POLR1C: variants seen among roughly 807,000 people sequenced by gnomAD.
The protein encoded by POLR1C is RNA polymerase I and III subunit C, also known as DNA-directed RNA polymerases I and III subunit RPAC1.
Under a neutral mutation model 38.3 loss-of-function variants are expected in POLR1C, and 42 were observed. That is an observed-to-expected ratio of 1.10 (90% CI 0.86 to 1.42). The LOEUF is 1.42. Ranked by LOEUF, POLR1C falls within the 40% of genes most tolerant of loss-of-function variation. The probability of loss-of-function intolerance (pLI) is 0.00; values close to 1 mark genes in which losing one functional copy is unlikely to be tolerated. For synonymous variants in POLR1C, 163 were observed against 163.9 expected (o/e 0.99, Z 0.04); for missense variants, 507 against 450.5 (o/e 1.13, Z -1.14).
downstream of POLR1C, chr6:43,524,088 C>G (rs561345033): frequency 1.3e-6 from 2 of 1,528,602 alleles, no homozygotes; most frequent in Admixed American, 4.0e-5. Context: ...CAGTGGCTCG[C>G]GCCTGTAATC....
At chr6:43,558,660 G>C (rs1582235486) in intron 10 of POLR1C, 1 of 1,184,126 alleles carries the variant, frequency 8.4e-7, no homozygotes, top group African/African-American at 1.6e-5. Flanking sequence ...TAAGCTTCAG[G>C]AGTTCAAGCA....
intron 10 of POLR1C, chr6:43,556,126 C>A: frequency 1.1e-6 from 1 of 938,726 alleles, no homozygotes; most frequent in Non-Finnish European, 1.5e-6. Context: ...ACTTTATTAA[C>A]GAATCCAGAA....
chr6:43,551,158 A>C, intron 10 of POLR1C: 3 of 779,290 alleles, frequency 3.8e-6, no homozygotes, highest in Non-Finnish European at 5.7e-6. Context: ...CAGAAGGGTG[A>C]GGTGTGAGGA....
downstream of POLR1C, chr6:43,523,545 G>A: frequency 2.0e-6 from 1 of 505,952 alleles, no homozygotes; most frequent in South Asian, 1.7e-5. Context: ...CAGGTATGTG[G>A]CTGCACGGGG....
Position 43,549,965 on chromosome 6 carries a change from T to A in POLR1C, c.*5-1003T>A, listed in dbSNP as rs777129282. ...GGAGAGGAGGAAAAAAGGTCACTCA[T>A]GTTTATTTGTTTTAGAGATGAGATC... On this transcript the variant is annotated intron_variant, in intron 9 of 10. Transcript: ENST00000607635. The A allele has an allele frequency of 1.6e-5, 25 of 1,605,536 alleles. No homozygotes were observed. In the Admixed American group the frequency reaches 3.7e-4, roughly 24 times the overall value.
chr6:43,529,796 C>G (rs1165240443), downstream of POLR1C, among the ~76,000 whole-genome samples: 1 of 150,978 alleles, frequency 6.6e-6, no homozygotes, highest in African/African-American at 2.4e-5. Flanking sequence ...TGGTGCGCAT[C>G]TGTGGTCCAG....
chr6:43,550,707 C>T (rs1294752639), intron 9 of POLR1C, among the ~76,000 whole-genome samples: 1 of 152,154 alleles, frequency 6.6e-6, no homozygotes, highest in Non-Finnish European at 1.5e-5. Flanking sequence ...TAAAGATGTT[C>T]TACATATTCT....
chr6:43,531,660 T>G, downstream of POLR1C: 1 of 1,190,468 alleles, frequency 8.4e-7, no homozygotes, highest in Non-Finnish European at 1.3e-6. Flanking sequence ...AAGCTGTTGT[T>G]CAGGGGTGAA....
chr6:43,534,745 C>A (rs1794209667), intron 9 of POLR1C, among the ~76,000 whole-genome samples: 1 of 152,186 alleles, frequency 6.6e-6, no homozygotes, highest in Non-Finnish European at 1.5e-5. Context: ...CGCCTATAAT[C>A]CCAGTACTTT....
At chr6:43,523,646 C>G, downstream of POLR1C, 2 of 810,450 alleles carry the variant, frequency 2.5e-6, no homozygotes, top group Non-Finnish European at 4.4e-6. Flanking sequence ...TCTGGGACAT[C>G]TAGACAGAAT....
chr6:43,560,154 C>G, intron 10 of POLR1C: 6 of 1,608,968 alleles, frequency 3.7e-6, no homozygotes, highest in Non-Finnish European at 5.1e-6. Context: ...CTACATTCCA[C>G]ATGTTTAGAT....
At chr6:43,519,306 C>T (rs749778922) in intron 2 of POLR1C, 27 bp from the exon 3 acceptor site, 1 of 1,377,678 alleles carries the variant, frequency 7.3e-7, no homozygotes, top group Non-Finnish European at 1.0e-6. Flanking sequence ...GCAGATTTCA[C>T]TTAAATGTTT....
At chr6:43,519,592 C>A in intron 3 of POLR1C, 114 bp from the exon 4 acceptor site, 2 of 1,513,462 alleles carry the variant, frequency 1.3e-6, no homozygotes, top group South Asian at 1.1e-5. Context: ...GTAAATTTCT[C>A]ATTAAACATT....
intron 6 of POLR1C, 71 bp from the exon 7 acceptor site, chr6:43,520,554 G>A (rs920497293): frequency 1.2e-6 from 2 of 1,603,916 alleles, no homozygotes; most frequent in Admixed American, 1.7e-5. Context: ...TTTGCTGTTA[G>A]TAGCTTAGGA....
At chr6:43,560,736 C>T (rs1158226481) in intron 10 of POLR1C, among the ~76,000 whole-genome samples, 1 of 152,162 alleles carries the variant, frequency 6.6e-6, no homozygotes, top group Non-Finnish European at 1.5e-5. Context: ...AGCTGCTGAC[C>T]TAGACAAGTG....
intron 9 of POLR1C, chr6:43,539,593 ACCCCGG>A: frequency 7.2e-7 from 1 of 1,381,888 alleles, no homozygotes; most frequent in Non-Finnish European, 1.0e-6. Flanking sequence ...CACGGCTGCG[ACCCCGG>A]CCCCGGATGC....
In POLR1C at chr6:43,521,011, G is replaced by T. The variant is rs2127691627; in HGVS notation, c.885G>T (p.Lys295Asn). The T allele has an allele frequency of 6.2e-7, 1 of 1,614,206 alleles. No homozygotes were observed. Among genetic ancestry groups the T allele is most frequent in the Non-Finnish European group, 8.5e-7 (1 of 1,180,036 alleles). The change falls in exon 8 of 9, where the codon AAG (lysine) becomes AAT (asparagine). Residue 295 changes from lysine (K) to asparagine (N), a missense_variant. Physicochemically the swap from Lys to Asn is moderately conservative, Grantham distance 94. Coordinates refer to ENST00000642195, the MANE Select transcript of POLR1C (RefSeq NM_203290.4). Reference protein sequence around the residue: ...REIFRNEKLKKVVRLARVRDH... With the variant: ...REIFRNEKLKNVVRLARVRDH... ...TCTTCCGGAATGAGAAGCTAAAGAA[G>T]GTTGTGAGGCTTGCCCGGGTTCGAG...
downstream of POLR1C, among the ~76,000 whole-genome samples, chr6:43,534,252 A>T (rs1794176493): frequency 6.6e-6 from 1 of 152,226 alleles, no homozygotes; most frequent in South Asian, 2.1e-4. Context: ...CCCAAGACAC[A>T]GGACAGTATC....
intron 9 of POLR1C, chr6:43,539,804 T>C (rs1252945358): frequency 2.2e-5 from 12 of 550,988 alleles, no homozygotes; most frequent in East Asian, 1.2e-4. Context: ...AGAACTCCCA[T>C]GTAAAATCAT....
Sources: allele counts gnomAD v4.1 joint callset (sites outside exome capture counted in the v4.1 genomes callset), GRCh38; gene constraint gnomAD v4.1.1; transcripts MANE v1.5; gene names NCBI Gene and HGNC (gene_info 2026-07-23, HGNC 2026-07-21).